Variants in ZNF324B observed in about 807,000 individuals in gnomAD.
ZNF324B encodes the protein zinc finger protein 324B.
A neutral mutation model predicts 10.6 loss-of-function variants in ZNF324B; 7 were observed. That is an observed-to-expected ratio of 0.66 (90% CI 0.38 to 1.24). The LOEUF (loss-of-function observed/expected upper bound fraction) is 1.24, where lower values mean the gene tolerates loss of function less well. ZNF324B is among the 50% of genes most tolerant of loss of function. The pLI is 0.02. For synonymous variants in ZNF324B, 316 were observed against 321.0 expected, an observed-to-expected ratio of 0.98 and a Z score of 0.17; for missense variants, 640 against 764.7, an observed-to-expected ratio of 0.84 and a Z score of 1.92.
At position 58,455,198 on chromosome 19, in the gene ZNF324B, C is replaced by T. The variant is rs774733353; in HGVS notation, c.254C>T (p.Thr85Ile). The change falls in exon 4 of 4, where the codon ACA becomes ATA. Residue 85 changes from threonine (T) to isoleucine (I), a missense_variant. Physicochemically the swap from Thr to Ile is moderately conservative, Grantham distance 89 (BLOSUM62 -1). This residue lies in a region of ZNF324B where 345 missense variants were observed against 387.9 expected (regional missense o/e 0.89). Transcript: ENST00000336614. This position sits in a 1 kb window ranked among gnomAD's most constrained non-coding sequence, Gnocchi z 7.0. ...CTGCGTTTAGGTTCCTGGAGTTTGA[C>T]AGAGGATAGAGATGTTTCTGGAGAA... The part of the protein sequence containing the change: ...GRLNSGSWSL[T>I]EDRDVSGEWP... 2 of 1,614,170 alleles carry T rather than the reference C, an allele frequency of 1.2e-6. No individual in the cohort carries two copies. Among genetic ancestry groups the T allele is most frequent in the Non-Finnish European group, 1.7e-6 (2 of 1,180,036 alleles).
the ZNF324B span, among the ~76,000 whole-genome samples, chr19:58,420,416 C>G: frequency 1.3e-5 from 2 of 149,078 alleles, no homozygotes; most frequent in Non-Finnish European, 3.0e-5. Context: ...AAGACTCTGT[C>G]TCAAAAAAAA....
At chr19:58,435,171 C>A in the ZNF324B span, 1 of 1,613,972 alleles carries the variant, frequency 6.2e-7, no homozygotes, top group Non-Finnish European at 8.5e-7. Flanking sequence ...AAACATTCTG[C>A]TTGGGATGGG....
At chr19:58,418,475 T>C in the ZNF324B span, 1 of 151,386 alleles carries the variant, frequency 6.6e-6, no homozygotes, top group South Asian at 2.1e-4. Context: ...ACTACAGGTG[T>C]GCGCCATCAC....
At chr19:58,444,265 C>G in the ZNF324B span, 1 of 152,472 alleles carries the variant, frequency 6.6e-6, no homozygotes, top group East Asian at 1.9e-4. Flanking sequence ...TTCCCCTTCT[C>G]CCGTCCTCCC....
chr19:58,433,401 C>T, the ZNF324B span: 1 of 1,614,164 alleles, frequency 6.2e-7, no homozygotes, highest in Non-Finnish European at 8.5e-7. Context: ...ACTCATAAGT[C>T]CTTTCTCTGG....
the ZNF324B span, among the ~76,000 whole-genome samples, chr19:58,426,350 G>A: frequency 0.03 from 4,609 of 152,298 alleles, 239 homozygotes; most frequent in African/African-American, 0.1. Context: ...AGAATGTAGT[G>A]ATTCCCACTG....
In ZNF324B at chr19:58,455,719, T is replaced by C. The variant is rs1236775922; in HGVS notation, c.775T>C (p.Cys259Arg). The C allele has an allele frequency of 5.0e-6, 8 of 1,613,752 alleles. No individual in the cohort carries two copies. In the East Asian group the frequency reaches 1.8e-4, roughly 36 times the overall value. Residue 259 changes from cysteine (C) to arginine (R), a missense_variant, in exon 4 of 4, where the codon TGC (cysteine) becomes CGC (arginine). Cys to Arg is a radical substitution (Grantham distance 180). Around this residue, in one of 3 missense-constraint regions of ZNF324B, gnomAD observed 345 missense variants for 387.9 expected, o/e 0.89. Coordinates refer to ENST00000336614, the MANE Select transcript of ZNF324B (RefSeq NM_207395.3). This position sits in a 1 kb window ranked among gnomAD's most constrained non-coding sequence, Gnocchi z 7.0. ...TCACGCTGGGGAGAAGTCCTTCGAA[T>C]GCAGGGCGTGCAGCAAAGTGTTCGT... ...ALHAGEKSFE[C>R]RACSKVFVKS...
chr19:58,454,946 CTGGG>C, intron 3 of ZNF324B: 1 of 667,888 alleles, frequency 1.5e-6, no homozygotes, highest in Non-Finnish European at 2.7e-6. Flanking sequence ...GCTTCACATC[CTGGG>C]TGTCTGGGGG....
At chr19:58,437,505 C>G in the ZNF324B span, among the ~76,000 whole-genome samples, 5 of 152,044 alleles carry the variant, frequency 3.3e-5, no homozygotes, top group Non-Finnish European at 5.9e-5. Flanking sequence ...CTCCCTCCTG[C>G]TGGCCAATTT....
the ZNF324B span, among the ~76,000 whole-genome samples, chr19:58,446,569 T>TTCTC: frequency 0.061 from 7,326 of 120,246 alleles, 892 homozygotes; most frequent in African/African-American, 0.14. Context: ...GATAATTTCT[T>TTCTC]TCTCTTTTTT....
chr19:58,441,661 T>A, the ZNF324B span: 1 of 152,232 alleles, frequency 6.6e-6, no homozygotes, highest in South Asian at 2.1e-4. Context: ...TCTGGATATA[T>A]AGAATTCTGG....
the ZNF324B span, chr19:58,440,006 C>T: frequency 1.6e-6 from 1 of 618,402 alleles, no homozygotes; most frequent in Middle Eastern, 4.1e-4. Flanking sequence ...TTCGGGAACA[C>T]CTTGGCTCAT....
chr19:58,428,369 A>G, the ZNF324B span, among the ~76,000 whole-genome samples: 1 of 152,232 alleles, frequency 6.6e-6, no homozygotes, highest in East Asian at 1.9e-4. Context: ...CACATGCCAC[A>G]TAGAAATCTG....
the ZNF324B span, chr19:58,443,300 C>T: frequency 3.9e-5 from 6 of 152,166 alleles, no homozygotes; most frequent in East Asian, 1.9e-4. Flanking sequence ...AGACACAGAG[C>T]GCTGATTGGT....
chr19:58,451,892 G>A (rs1447232361), intron 1 of ZNF324B, 188 bp downstream of exon 1: 1 of 254,316 alleles, frequency 3.9e-6, no homozygotes, highest in Non-Finnish European at 7.8e-6. Context: ...GGGCAGCCGC[G>A]GGAGGCTGCT....
chr19:58,435,197 C>T, the ZNF324B span: 2 of 1,607,730 alleles, frequency 1.2e-6, no homozygotes, highest in Non-Finnish European at 1.7e-6. Context: ...TCACCCTCTA[C>T]TCCATGCCAA....
chr19:58,433,732 T>TAA, the ZNF324B span: 12 of 1,613,966 alleles, frequency 7.4e-6, no homozygotes, highest in Middle Eastern at 1.6e-4. Context: ...ATTGCACTCA[T>TAA]AAGGCCTTTC....
At chr19:58,425,444 T>TCTTCCTTCTTCCTTC in the ZNF324B span, among the ~76,000 whole-genome samples, 1 of 148,888 alleles carries the variant, frequency 6.7e-6, no homozygotes, top group Non-Finnish European at 1.5e-5. Flanking sequence ...TTCCTTCCTG[T>TCTTCCTTCTTCCTTC]CTTCCTTCTT....
chr19:58,449,384 C>T (rs1435206862), upstream of ZNF324B, among the ~76,000 whole-genome samples: 1 of 152,222 alleles, frequency 6.6e-6, no homozygotes, highest in Non-Finnish European at 1.5e-5. Flanking sequence ...CACACTGAGT[C>T]CCCACTGGGG....
Sources: gnomAD v4.1 joint callset for allele counts (sites outside exome capture counted in the v4.1 genomes callset) on GRCh38, gnomAD v4.1.1 for gene constraint, gnomAD v4.1.1 regional missense constraint, Gnocchi (gnomAD v3.1) non-coding constraint, MANE v1.5 for transcripts, NCBI Gene and HGNC (gene_info 2026-07-23, HGNC 2026-07-21) for gene names.